Variants in SORCS1 observed in about 807,000 individuals in gnomAD.
SORCS1 encodes the protein sortilin related VPS10 domain containing receptor 1, also known as VPS10 domain-containing receptor SorCS1.
In SORCS1, 60 loss-of-function variants were observed where a neutral mutation model predicts 146.1. That is an observed-to-expected ratio of 0.41 (90% CI 0.33 to 0.51). SORCS1 has a LOEUF of 0.51. SORCS1 is among the 20% of genes least tolerant of loss of function. The pLI, the probability that SORCS1 is intolerant of heterozygous loss-of-function variation, is 0.21. For missense variants in SORCS1, 1,352 were observed against 1,487.6 expected (o/e 0.91, Z 1.50); for synonymous variants, 637 against 584.0 (o/e 1.09, Z -1.31).
At chr10:106,882,397 T>C (rs1950839752) in intron 2 of SORCS1, among the ~76,000 whole-genome samples, 1 of 152,234 alleles carries the variant, frequency 6.6e-6, no homozygotes, top group Admixed American at 6.5e-5. Context: ...GGTCAACATT[T>C]GGCAAACTTT....
chr10:106,687,574 T>G (rs769562219), intron 10 of SORCS1, among the ~76,000 whole-genome samples: 3 of 152,202 alleles, frequency 2.0e-5, no homozygotes, highest in African/African-American at 4.8e-5. Context: ...AGCATGACTG[T>G]GTTCCAATAA....
chr10:106,704,183 G>A (rs1854338779), intron 8 of SORCS1, among the ~76,000 whole-genome samples: 1 of 152,148 alleles, frequency 6.6e-6, no homozygotes, highest in Non-Finnish European at 1.5e-5. Flanking sequence ...GATTTCTGGG[G>A]CTCCTTAAGT....
intron 4 of SORCS1, among the ~76,000 whole-genome samples, chr10:106,764,212 C>T (rs1403370888): frequency 6.6e-6 from 1 of 152,072 alleles, no homozygotes; most frequent in Non-Finnish European, 1.5e-5. Flanking sequence ...CACTTTTAGA[C>T]AAAATTGCTC....
intron 2 of SORCS1, among the ~76,000 whole-genome samples, chr10:106,954,988 G>A (rs757952909): frequency 3.3e-5 from 5 of 152,212 alleles, no homozygotes; most frequent in Admixed American, 6.5e-5. Context: ...CTCTGTTGGC[G>A]CCAGGCAGCT....
At chr10:106,613,003 C>T (rs1847113117) in intron 21 of SORCS1, among the ~76,000 whole-genome samples, 1 of 152,028 alleles carries the variant, frequency 6.6e-6, no homozygotes, top group African/African-American at 2.4e-5. Flanking sequence ...TACCCTCCCC[C>T]ATCACATTTT....
chr10:106,605,988 A>T (rs1163612316), intron 23 of SORCS1, among the ~76,000 whole-genome samples: 1 of 152,170 alleles, frequency 6.6e-6, no homozygotes, highest in African/African-American at 2.4e-5. Context: ...GAAAATCTCC[A>T]AGTACTGGAA....
At chr10:106,882,225 G>C (rs564328487) in intron 2 of SORCS1, among the ~76,000 whole-genome samples, 3 of 151,910 alleles carry the variant, frequency 2.0e-5, no homozygotes, top group Non-Finnish European at 4.4e-5. Flanking sequence ...AAGAAGAATT[G>C]TCTTGGGCCA....
chr10:106,925,710 A>G, intron 2 of SORCS1, among the ~76,000 whole-genome samples: 1 of 152,228 alleles, frequency 6.6e-6, no homozygotes, highest in East Asian at 1.9e-4. Context: ...CATTACTTCA[A>G]GTATATTTCT....
intron 18 of SORCS1, among the ~76,000 whole-genome samples, chr10:106,637,054 G>A (rs929399645): frequency 6.6e-6 from 1 of 152,208 alleles, no homozygotes. Flanking sequence ...TACAAAATGG[G>A]TTTGTGAGGA....
At chr10:106,760,660 G>A (rs558974394) in intron 5 of SORCS1, among the ~76,000 whole-genome samples, 1 of 151,166 alleles carries the variant, frequency 6.6e-6, no homozygotes, top group African/African-American at 2.4e-5. Context: ...ATTCTGTTAC[G>A]GCAACCCAAG....
intron 2 of SORCS1, among the ~76,000 whole-genome samples, chr10:106,903,859 CA>C (rs1299139198): frequency 5.3e-5 from 8 of 152,228 alleles, no homozygotes; most frequent in Admixed American, 1.3e-4. Flanking sequence ...ATGCATGGGA[CA>C]AAATAGTTTT....
intron 4 of SORCS1, among the ~76,000 whole-genome samples, chr10:106,775,037 C>G (rs1383813775): frequency 6.6e-6 from 1 of 152,234 alleles, no homozygotes; most frequent in Non-Finnish European, 1.5e-5. Context: ...ATCATCCACT[C>G]TGCCACAGTG....
chr10:106,720,582 A>AC (rs955307051), intron 6 of SORCS1, among the ~76,000 whole-genome samples: 4 of 151,574 alleles, frequency 2.6e-5, no homozygotes, highest in Admixed American at 2.6e-4. Context: ...GTACGATGCT[A>AC]CTTTTTTTTT....
intron 3 of SORCS1, among the ~76,000 whole-genome samples, chr10:106,804,338 G>GAAAAT (rs374338257): frequency 0.35 from 48,345 of 137,554 alleles, 8,935 homozygotes; most frequent in East Asian, 0.45. Context: ...TTTCCGAAGA[G>GAAAAT]AAAATAAAAT....
chr10:107,049,915 A>G (rs1316015398), intron 1 of SORCS1, among the ~76,000 whole-genome samples: 1 of 152,240 alleles, frequency 6.6e-6, no homozygotes, highest in African/African-American at 2.4e-5. Context: ...TTGTGTGAAG[A>G]GAGAATAATT....
intron 18 of SORCS1, among the ~76,000 whole-genome samples, chr10:106,636,736 A>T (rs1412315885): frequency 2.0e-5 from 3 of 152,200 alleles, no homozygotes; most frequent in Non-Finnish European, 4.4e-5. Context: ...GGGGACACAG[A>T]GCCAAACCAT....
At chr10:106,750,699 A>AGAC (rs1858103153) in intron 5 of SORCS1, among the ~76,000 whole-genome samples, 1 of 115,530 alleles carries the variant, frequency 8.7e-6, no homozygotes. Flanking sequence ...ACTGCACTCC[A>AGAC]GACTGGGCGA....
At chr10:106,832,682 C>G (rs1021164381) in intron 2 of SORCS1, among the ~76,000 whole-genome samples, 1 of 151,960 alleles carries the variant, frequency 6.6e-6, no homozygotes, top group Non-Finnish European at 1.5e-5. Context: ...CAAAATCTAC[C>G]TGGGGGCGGG....
At chr10:106,718,596 G>C (rs1429691848) in intron 6 of SORCS1, among the ~76,000 whole-genome samples, 3 of 152,228 alleles carry the variant, frequency 2.0e-5, no homozygotes, top group Admixed American at 2.0e-4. Flanking sequence ...AAGAGCAAAA[G>C]AACAAAGCTG....
Sources: gnomAD v4.1 joint callset for allele counts (sites outside exome capture counted in the v4.1 genomes callset) on GRCh38, gnomAD v4.1.1 for gene constraint, MANE v1.5 for transcripts, NCBI Gene and HGNC (gene_info 2026-07-23, HGNC 2026-07-21) for gene names.